The following SLC6A11 variants were observed in gnomAD, a reference collection of about 807,000 sequenced individuals.
SLC6A11 encodes the protein solute carrier family 6 member 11.
Under a neutral mutation model 74.8 loss-of-function variants are expected in SLC6A11, and 25 were observed. That is an observed-to-expected ratio of 0.33 (90% CI 0.24 to 0.47). The LOEUF is 0.47. Ranked by LOEUF, SLC6A11 falls within the 20% of genes least tolerant of loss-of-function variation. The pLI is 1.00. For synonymous variants in SLC6A11, 330 were observed against 330.2 expected, an observed-to-expected ratio of 1.00 and a Z score of 0.01; for missense variants, 574 against 837.0, an observed-to-expected ratio of 0.69 and a Z score of 3.88.
intron 5 of SLC6A11, among the ~76,000 whole-genome samples, chr3:10,865,734 C>G (rs555586753): frequency 3.9e-5 from 6 of 152,348 alleles, no homozygotes; most frequent in Non-Finnish European, 5.9e-5. Context: ...TCTAACTGCT[C>G]TTTACACAGA....
intron 5 of SLC6A11, among the ~76,000 whole-genome samples, chr3:10,862,039 C>A (rs1460134484): frequency 6.6e-6 from 1 of 152,194 alleles, no homozygotes; most frequent in East Asian, 1.9e-4. Flanking sequence ...GATCCCTCCT[C>A]TCCACAACTC....
At chr3:10,853,278 T>C (rs1191689623) in intron 5 of SLC6A11, among the ~76,000 whole-genome samples, 1 of 152,030 alleles carries the variant, frequency 6.6e-6, no homozygotes, top group Non-Finnish European at 1.5e-5. Context: ...GAGCAAAAGC[T>C]CAAAGGGGCA....
chr3:10,855,349 T>C (rs536324250), intron 5 of SLC6A11, among the ~76,000 whole-genome samples: 1 of 152,316 alleles, frequency 6.6e-6, no homozygotes, highest in East Asian at 1.9e-4. Flanking sequence ...ACTTTCTGCC[T>C]CTAGAATACT....
intron 5 of SLC6A11, among the ~76,000 whole-genome samples, chr3:10,868,628 T>C (rs1694792652): frequency 6.6e-6 from 1 of 152,216 alleles, no homozygotes; most frequent in Non-Finnish European, 1.5e-5. Flanking sequence ...GACCCTCCTT[T>C]CTCCACGCCC....
At chr3:10,889,787 C>A (rs1009262291) in intron 6 of SLC6A11, among the ~76,000 whole-genome samples, 3 of 152,152 alleles carry the variant, frequency 2.0e-5, no homozygotes, top group Non-Finnish European at 2.9e-5. Context: ...TCAGACAAAC[C>A]AGTGAGGGCT....
At chr3:10,877,062 G>A (rs1664488573) in intron 6 of SLC6A11, among the ~76,000 whole-genome samples, 1 of 152,156 alleles carries the variant, frequency 6.6e-6, no homozygotes, top group South Asian at 2.1e-4. Context: ...TTTTCCATGA[G>A]CATAGGCTGG....
chr3:10,933,125 C>G, intron 10 of SLC6A11, 26 bp from the exon 11 acceptor site: 3 of 1,552,070 alleles, frequency 1.9e-6, no homozygotes, highest in Non-Finnish European at 2.7e-6. Flanking sequence ...CACCTCCCAT[C>G]CGTGTGTCTG....
At chr3:10,834,333 T>C (rs1238108199) in intron 4 of SLC6A11, among the ~76,000 whole-genome samples, 1 of 151,186 alleles carries the variant, frequency 6.6e-6, no homozygotes. Flanking sequence ...GCTCTGGAAG[T>C]AAGTTTGTTT....
chr3:10,865,294 C>T (rs1445722687), intron 5 of SLC6A11, among the ~76,000 whole-genome samples: 3 of 152,228 alleles, frequency 2.0e-5, no homozygotes, highest in East Asian at 1.9e-4. Flanking sequence ...CCCATGCATG[C>T]GCCTTGTGCT....
chr3:10,932,872 C>T (rs997431618), intron 10 of SLC6A11, among the ~76,000 whole-genome samples: 3 of 152,042 alleles, frequency 2.0e-5, no homozygotes, highest in Non-Finnish European at 4.4e-5. Context: ...TCCCCCATCT[C>T]GATTTTCTAT....
In SLC6A11 at chr3:10,862,104, G is replaced by A. The variant is rs114720883; in HGVS notation, c.757-12857G>A. Among the ~76,000 whole-genome samples, 885 of 152,270 alleles carry A rather than the reference G, an allele frequency of 5.8e-3. 7 individuals are homozygous for A. Among genetic ancestry groups the A allele is most frequent in the African/African-American group, 0.02 (837 of 41,552 alleles). On this transcript the variant is annotated intron_variant, in intron 5 of 13. Transcript: ENST00000254488. ...GACATGGGGTGGTGCTTCTCATCTG[G>A]CAGTGTCCCCCCACTGGCACATCCT...
chr3:10,889,700 ACC>A (rs774137373), intron 6 of SLC6A11, among the ~76,000 whole-genome samples: 1 of 152,098 alleles, frequency 6.6e-6, no homozygotes, highest in Non-Finnish European at 1.5e-5. Flanking sequence ...TTTTAGCAAC[ACC>A]CCTGGTGGTT....
At chr3:10,848,645 A>T (rs988964465) in intron 5 of SLC6A11, among the ~76,000 whole-genome samples, 1 of 152,164 alleles carries the variant, frequency 6.6e-6, no homozygotes, top group African/African-American at 2.4e-5. Flanking sequence ...GGTGCCGGGG[A>T]TACACCAGAG....
chr3:10,931,203 C>A (rs1358074510), intron 10 of SLC6A11, among the ~76,000 whole-genome samples: 4 of 152,200 alleles, frequency 2.6e-5, no homozygotes, highest in Non-Finnish European at 4.4e-5. Flanking sequence ...GTTGTCGCTG[C>A]TCCGTGCCTC....
chr3:10,838,872 G>A (rs1407919870), intron 4 of SLC6A11, among the ~76,000 whole-genome samples: 1 of 152,172 alleles, frequency 6.6e-6, no homozygotes, highest in Non-Finnish European at 1.5e-5. Flanking sequence ...AGCGAGATGG[G>A]GGAGGGTGTC....
Position 10,918,309 on chromosome 3 carries a change from C to T in SLC6A11, c.996-20C>T, listed in dbSNP as rs371580874. 1.3e-6 allele frequency: 2 copies of T among 1,571,242 alleles called. No homozygotes were observed. Among genetic ancestry groups the T allele is most frequent in the South Asian group, 1.2e-5 (1 of 85,240 alleles). On this transcript the variant is annotated intron_variant, in intron 7 of 13. Transcript: ENST00000254488. The surrounding 1 kb of genome is among the most constrained non-coding windows in gnomAD (Gnocchi z 4.5). ...GTTCTGCCCGCTCTGACCCTAGTGC[C>T]TCTCGCTGCTTCCCCACAGGGACTG...
At chr3:10,910,954 T>A (rs1317957758) in intron 6 of SLC6A11, among the ~76,000 whole-genome samples, 1 of 151,896 alleles carries the variant, frequency 6.6e-6, no homozygotes, top group Non-Finnish European at 1.5e-5. Flanking sequence ...CCCACGTAGC[T>A]GGGATTACAG....
chr3:10,923,840 C>G (rs1052089982), intron 8 of SLC6A11, among the ~76,000 whole-genome samples: 1 of 139,846 alleles, frequency 7.2e-6, no homozygotes, highest in African/African-American at 2.7e-5. Flanking sequence ...GTAAACATCA[C>G]CAGTAATAAT....
At chr3:10,935,273 G>C in intron 13 of SLC6A11, 74 bp downstream of exon 13, 1 of 1,394,530 alleles carries the variant, frequency 7.2e-7, no homozygotes, top group Non-Finnish European at 1.0e-6. Flanking sequence ...TCATCTGCAT[G>C]GTGCGCGATG....
Sources: allele counts gnomAD v4.1 joint callset (sites outside exome capture counted in the v4.1 genomes callset), GRCh38; gene constraint gnomAD v4.1.1; non-coding constraint Gnocchi (gnomAD v3.1); transcripts MANE v1.5; gene names NCBI Gene and HGNC (gene_info 2026-07-23, HGNC 2026-07-21).